The following ACYP2 variants were observed in gnomAD, a reference collection of about 807,000 sequenced individuals.
ACYP2 encodes the protein acylphosphatase-2.
ACYP2 carries 12 observed loss-of-function variants against 11.2 expected under a neutral mutation model. The observed-to-expected ratio is 1.08, with a 90% confidence interval of 0.69 to 1.74. The LOEUF (loss-of-function observed/expected upper bound fraction) is 1.74. Ranked by LOEUF, ACYP2 falls within the 40% of genes most tolerant of loss-of-function variation. The pLI, the probability that ACYP2 is intolerant of heterozygous loss-of-function variation, is 0.00. For missense variants in ACYP2, 134 were observed against 101.9 expected (o/e 1.31, Z -1.35); for synonymous variants, 43 against 32.2 (o/e 1.33, Z -1.13).
At chr2:54,104,284 T>C (rs1218482689) in intron 4 of ACYP2, among the ~76,000 whole-genome samples, 1 of 152,192 alleles carries the variant, frequency 6.6e-6, no homozygotes, top group East Asian at 1.9e-4. Flanking sequence ...GAAAAGAAAG[T>C]ATTCTTTGAT....
At chr2:53,998,832 C>T (rs1672683306) in intron 2 of ACYP2, among the ~76,000 whole-genome samples, 1 of 151,960 alleles carries the variant, frequency 6.6e-6, no homozygotes, top group African/African-American at 2.4e-5. Flanking sequence ...AAAAATTTCC[C>T]TTCTAATGCA....
chr2:54,280,411 G>A lies in ACYP2; in HGVS notation c.405-24277G>A, dbSNP rs186994468. Reference sequence around the variant, plus strand: ...AGGTAGAGGCAGATAGGATACAAGCGGGGAGGTTCAGTAGTCAATGGTATA... The same window carrying A: ...AGGTAGAGGCAGATAGGATACAAGCAGGGAGGTTCAGTAGTCAATGGTATA... On this transcript the variant is annotated intron_variant, in intron 6 of 6. Coordinates refer to ENST00000607452, the MANE Select transcript of ACYP2 (RefSeq NM_001320586.2). Among the ~76,000 whole-genome samples, 203 of 152,248 alleles carry A rather than the reference G, an allele frequency of 1.3e-3. 1 individual carries two copies. The highest frequency in any genetic ancestry group is 4.7e-3 in the African/African-American group (196 of 41,564).
intron 6 of ACYP2, among the ~76,000 whole-genome samples, chr2:54,282,976 T>C (rs954461003): frequency 6.6e-6 from 1 of 152,208 alleles, no homozygotes; most frequent in African/African-American, 2.4e-5. Flanking sequence ...TGATCAAATA[T>C]TATTGTTTTA....
intron 6 of ACYP2, among the ~76,000 whole-genome samples, chr2:54,179,684 G>A (rs548599010): frequency 1.3e-5 from 2 of 152,238 alleles, no homozygotes; most frequent in Admixed American, 1.3e-4. Context: ...AGGATGACCA[G>A]AGGTCACTCT....
chr2:54,096,563 G>T (rs922538492), intron 4 of ACYP2, among the ~76,000 whole-genome samples: 1 of 152,206 alleles, frequency 6.6e-6, no homozygotes, highest in Non-Finnish European at 1.5e-5. Context: ...GAGTGAACCA[G>T]ACTCCATCTG....
chr2:54,268,836 CT>C, intron 6 of ACYP2, among the ~76,000 whole-genome samples: 1 of 151,634 alleles, frequency 6.6e-6, no homozygotes, highest in Non-Finnish European at 1.5e-5. Context: ...GTGAGTTTTT[CT>C]TTTTTTTCCT....
chr2:54,298,976 C>G (rs1029167417), intron 6 of ACYP2, among the ~76,000 whole-genome samples: 1 of 152,140 alleles, frequency 6.6e-6, no homozygotes, highest in Non-Finnish European at 1.5e-5. Context: ...TGGTCTTGAA[C>G]TCCTGACCTC....
chr2:54,020,897 T>G (rs982441556), intron 2 of ACYP2, among the ~76,000 whole-genome samples: 1 of 152,218 alleles, frequency 6.6e-6, no homozygotes, highest in African/African-American at 2.4e-5. Flanking sequence ...TAAAGAATGG[T>G]AAATGTTAAA....
intron 2 of ACYP2, among the ~76,000 whole-genome samples, chr2:54,019,452 T>C (rs1271141097): frequency 1.3e-5 from 2 of 149,242 alleles, no homozygotes; most frequent in Non-Finnish European, 3.0e-5. Context: ...TCATGGTTCA[T>C]TGCAACCTCG....
At chr2:53,975,006 G>C (rs1167804943) in intron 2 of ACYP2, among the ~76,000 whole-genome samples, 1 of 152,004 alleles carries the variant, frequency 6.6e-6, no homozygotes, top group Non-Finnish European at 1.5e-5. Flanking sequence ...AGAAATGTTT[G>C]GATTTAAGAT....
intron 2 of ACYP2, among the ~76,000 whole-genome samples, chr2:54,002,761 C>T (rs1672863744): frequency 6.6e-6 from 1 of 151,674 alleles, no homozygotes; most frequent in Admixed American, 6.6e-5. Context: ...AAGCAATTCT[C>T]CTGCCTCAGC....
intron 2 of ACYP2, among the ~76,000 whole-genome samples, chr2:54,045,516 C>A (rs1675471407): frequency 6.6e-6 from 1 of 152,070 alleles, no homozygotes; most frequent in Non-Finnish European, 1.5e-5. Context: ...ATTGAAAACT[C>A]ATAAAATTGT....
At chr2:54,301,893 C>A (rs1412909014) in intron 6 of ACYP2, among the ~76,000 whole-genome samples, 1 of 152,112 alleles carries the variant, frequency 6.6e-6, no homozygotes, top group African/African-American at 2.4e-5. Flanking sequence ...GCTGAGGAGG[C>A]AGATCAGGCA....
intron 4 of ACYP2, among the ~76,000 whole-genome samples, chr2:54,118,621 A>C (rs1679955585): frequency 6.6e-6 from 1 of 152,252 alleles, no homozygotes; most frequent in South Asian, 2.1e-4. Context: ...TCTATTAACT[A>C]TACAATTCCA....
At chr2:54,276,619 T>TCACACACACACACACAAAAACACACA (rs1688587061) in intron 6 of ACYP2, among the ~76,000 whole-genome samples, 1 of 146,108 alleles carries the variant, frequency 6.8e-6, no homozygotes, top group African/African-American at 2.5e-5. Context: ...GATTGTTCTT[T>TCACACACACACACACAAAAACACACA]CACACACACA....
rs1467014392 is a variant in ACYP2 at position 54,138,885 on chromosome 2, C to T, written c.404+137C>T. On this transcript the variant is annotated intron_variant, in intron 6 of 6. Coordinates refer to ENST00000607452, the MANE Select transcript of ACYP2 (RefSeq NM_001320586.2). Reference sequence around the variant, plus strand: ...TCGGCTCACTACAACCTCTGCCTTCCAGGCTCAGATCTCCCCGACTCAGCC... The same window carrying T: ...TCGGCTCACTACAACCTCTGCCTTCTAGGCTCAGATCTCCCCGACTCAGCC... 4.4e-6 allele frequency: 3 copies of T among 685,030 alleles called. No homozygotes were observed. The East Asian group carries it at 8.4e-5, about 19-fold the overall frequency. The allele number at this position is 685,030 out of a possible 1,614,324, so 42.4% of individuals were successfully genotyped here.
chr2:54,247,107 G>C (rs924728807), intron 6 of ACYP2, among the ~76,000 whole-genome samples: 2 of 152,116 alleles, frequency 1.3e-5, no homozygotes, highest in African/African-American at 4.8e-5. Context: ...AGGTCTTATA[G>C]CAGCGTTTTT....
intron 6 of ACYP2, among the ~76,000 whole-genome samples, chr2:54,157,549 CATTT>C (rs932566882): frequency 2.6e-5 from 4 of 152,084 alleles, no homozygotes; most frequent in African/African-American, 9.7e-5. Context: ...GTATCTTTTT[CATTT>C]ATTAAACAAT....
rs534503626 is a variant in ACYP2, at chr2:54,200,305, A to G, written c.404+61557A>G. Among the ~76,000 whole-genome samples the G allele has an allele frequency of 2.6e-5, 4 of 152,252 alleles. No individual in the cohort carries two copies. In the South Asian group the frequency reaches 8.3e-4, roughly 32 times the overall value. ...TATACATGTGCATATATCTATATATATGCACATACTTGCCCTCATCATATA... is the reference window on the plus strand; with the variant it reads ...TATACATGTGCATATATCTATATATGTGCACATACTTGCCCTCATCATATA... On this transcript the variant is annotated intron_variant, in intron 6 of 6. Transcript: ENST00000607452.
Sources: gnomAD v4.1 joint callset for allele counts (sites outside exome capture counted in the v4.1 genomes callset) on GRCh38, gnomAD v4.1.1 for gene constraint, MANE v1.5 for transcripts, NCBI Gene and HGNC (gene_info 2026-07-23, HGNC 2026-07-21) for gene names.